LAMA2: variants seen among roughly 807,000 people sequenced by gnomAD.
LAMA2 encodes the protein laminin subunit alpha-2.
A neutral mutation model predicts 364.8 loss-of-function variants in LAMA2; 269 were observed. That is an observed-to-expected ratio of 0.74 (90% CI 0.67 to 0.82). The LOEUF (loss-of-function observed/expected upper bound fraction) is 0.82. Among genes scored for constraint, LAMA2 ranks in the 40% least tolerant of loss-of-function variants. The pLI is 0.00. For missense variants in LAMA2, 3,807 were observed against 3,873.2 expected (o/e 0.98, Z 0.45); for synonymous variants, 1,379 against 1,370.6 (o/e 1.01, Z -0.14).
intron 2 of LAMA2, among the ~76,000 whole-genome samples, chr6:129,058,075 G>A (rs539908522): frequency 6.6e-6 from 1 of 152,284 alleles, no homozygotes; most frequent in East Asian, 1.9e-4. Context: ...AGTGAGATGT[G>A]AGGAATTTAA....
At chr6:128,890,451 T>C (rs530719168) in intron 1 of LAMA2, among the ~76,000 whole-genome samples, 1 of 152,212 alleles carries the variant, frequency 6.6e-6, no homozygotes, top group South Asian at 2.1e-4. Context: ...ATTTCTAAGT[T>C]ATGTTAGTCT....
At chr6:129,414,582 T>C (rs939149690) in intron 40 of LAMA2, among the ~76,000 whole-genome samples, 12 of 152,076 alleles carry the variant, frequency 7.9e-5, no homozygotes, top group Non-Finnish European at 1.8e-4. Flanking sequence ...AAAATGAACC[T>C]CAGAGGAGAT....
At position 129,296,755 on chromosome 6, in the gene LAMA2, G is replaced by T. The variant is rs150992333; in HGVS notation, c.2857-930G>T. On this transcript the variant is annotated intron_variant, in intron 20 of 64. Coordinates refer to ENST00000421865, the MANE Select transcript of LAMA2 (RefSeq NM_000426.4). ...AGTAATTACCGAGAATAATTTTCCA[G>T]ATTAAAATATCATAATAATGTGACA... is the stretch of plus-strand genomic sequence containing the variant. Among the ~76,000 whole-genome samples the T allele has an allele frequency of 2.4e-3, 362 of 151,680 alleles. 3 individuals are homozygous for T. Among genetic ancestry groups the T allele is most frequent in the African/African-American group, 8.4e-3 (347 of 41,392 alleles).
At chr6:129,126,508 CA>C (rs1029728611) in intron 4 of LAMA2, among the ~76,000 whole-genome samples, 5 of 151,942 alleles carry the variant, frequency 3.3e-5, no homozygotes, top group African/African-American at 1.2e-4. Flanking sequence ...CAGAATGGTT[CA>C]TTTTTTTTCT....
At chr6:129,079,309 A>G (rs1369690316) in intron 3 of LAMA2, among the ~76,000 whole-genome samples, 2 of 152,140 alleles carry the variant, frequency 1.3e-5, no homozygotes, top group South Asian at 4.1e-4. Context: ...TGCCTATTTT[A>G]TAAATTAAAC....
In LAMA2 at chr6:128,904,604, G is replaced by A. The variant is rs186310853; in HGVS notation, c.112+21247G>A. On this transcript the variant is annotated intron_variant, in intron 1 of 64. Coordinates refer to ENST00000421865, the MANE Select transcript of LAMA2 (RefSeq NM_000426.4). ...TGAGTAGCTGGGATTACAGGCGAGC[G>A]CCACCATGCCTGGCTAATTTATTCT... 6.6e-4 allele frequency among the ~76,000 whole-genome samples: 100 copies of A among 151,902 alleles called. 1 individual carries two copies. The highest frequency in any genetic ancestry group is 4.1e-3 in the Admixed American group (62 of 15,248).
intron 2 of LAMA2, among the ~76,000 whole-genome samples, chr6:129,050,514 G>A (rs1249453438): frequency 2.0e-5 from 3 of 152,154 alleles, no homozygotes; most frequent in Non-Finnish European, 2.9e-5. Context: ...TGAGCACAGC[G>A]TTCTGCAGAA....
At chr6:129,150,571 G>T (rs375865914) in intron 7 of LAMA2, among the ~76,000 whole-genome samples, 1 of 152,114 alleles carries the variant, frequency 6.6e-6, no homozygotes, top group Non-Finnish European at 1.5e-5. Context: ...CGAGCAACTT[G>T]TTAGCAATAG....
intron 1 of LAMA2, among the ~76,000 whole-genome samples, chr6:129,006,034 T>G (rs1370821794): frequency 1.3e-5 from 2 of 152,038 alleles, no homozygotes; most frequent in African/African-American, 4.8e-5. Context: ...AACCTTATTT[T>G]TCGCTAAACA....
intron 1 of LAMA2, among the ~76,000 whole-genome samples, chr6:128,959,554 C>T (rs972113834): frequency 2.6e-5 from 4 of 152,144 alleles, no homozygotes; most frequent in Non-Finnish European, 5.9e-5. Context: ...ACTTCAGGTG[C>T]TTTGCACTGG....
chr6:128,942,484 G>A (rs9402088), intron 1 of LAMA2, among the ~76,000 whole-genome samples: 91,806 of 152,028 alleles, frequency 0.6, 31,022 homozygotes, highest in East Asian at 0.82. Flanking sequence ...ATAAATTAGT[G>A]TCCTTTTTAT....
chr6:129,314,397 T>TAA (rs1562448734), intron 23 of LAMA2, among the ~76,000 whole-genome samples: 1 of 17,828 alleles, frequency 5.6e-5, no homozygotes, highest in Non-Finnish European at 1.2e-4. Flanking sequence ...AGACTCCGTC[T>TAA]CAAAAAAAAA....
At chr6:128,938,288 T>A (rs538278047) in intron 1 of LAMA2, among the ~76,000 whole-genome samples, 1 of 152,272 alleles carries the variant, frequency 6.6e-6, no homozygotes, top group Admixed American at 6.5e-5. Context: ...AATGAAATAG[T>A]CAGTAGAAAG....
intron 61 of LAMA2, 145 bp downstream of exon 61, chr6:129,505,500 T>C (rs1381486555): frequency 2.9e-6 from 2 of 694,330 alleles, no homozygotes; most frequent in Admixed American, 4.8e-5. Context: ...GAAGGGTTTG[T>C]TGTTTATTTG....
chr6:129,095,357 G>A (rs1021492143), intron 3 of LAMA2, among the ~76,000 whole-genome samples: 9 of 152,086 alleles, frequency 5.9e-5, no homozygotes, highest in Non-Finnish European at 8.8e-5. Flanking sequence ...ATTGATTGCT[G>A]AAATCAAATC....
At chr6:129,034,034 G>T (rs1218336772) in intron 1 of LAMA2, among the ~76,000 whole-genome samples, 1 of 152,016 alleles carries the variant, frequency 6.6e-6, no homozygotes, top group Non-Finnish European at 1.5e-5. Flanking sequence ...AATGCAAATT[G>T]TAAAGACTGA....
intron 58 of LAMA2, among the ~76,000 whole-genome samples, chr6:129,495,144 T>G (rs1028007045): frequency 3.3e-5 from 5 of 152,220 alleles, no homozygotes; most frequent in Non-Finnish European, 5.9e-5. Flanking sequence ...CAAGGCAGGC[T>G]CGAGTTGTTA....
intron 56 of LAMA2, among the ~76,000 whole-genome samples, chr6:129,490,474 A>G (rs2114856293): frequency 6.6e-6 from 1 of 152,348 alleles, no homozygotes; most frequent in South Asian, 2.1e-4. Context: ...TACACCAGAA[A>G]GAGGAAGGCC....
intron 1 of LAMA2, among the ~76,000 whole-genome samples, chr6:129,010,165 G>T (rs6939168): frequency 0.025 from 3,745 of 152,258 alleles, 139 homozygotes; most frequent in African/African-American, 0.086. Context: ...CAGAGTCAAA[G>T]ATGTTAATTC....
Sources: allele counts gnomAD v4.1 joint callset (sites outside exome capture counted in the v4.1 genomes callset), GRCh38; gene constraint gnomAD v4.1.1; transcripts MANE v1.5; gene names NCBI Gene and HGNC (gene_info 2026-07-23, HGNC 2026-07-21).